Variants in ASAP2 observed in about 807,000 individuals in gnomAD.
ASAP2 encodes the protein ArfGAP with SH3 domain, ankyrin repeat and PH domain 2.
Under a neutral mutation model 131.4 loss-of-function variants are expected in ASAP2, and 45 were observed. That is an observed-to-expected ratio of 0.34 (90% CI 0.27 to 0.44). The LOEUF is 0.44. ASAP2 is among the 20% of genes least tolerant of loss of function. ASAP2 has a pLI of 1.00. For synonymous variants in ASAP2, 510 were observed against 503.0 expected, an observed-to-expected ratio of 1.01 and a Z score of -0.19; for missense variants, 1,011 against 1,297.0, an observed-to-expected ratio of 0.78 and a Z score of 3.39.
At chr2:9,260,592 C>CT (rs942448577) in intron 1 of ASAP2, among the ~76,000 whole-genome samples, 23 of 152,140 alleles carry the variant, frequency 1.5e-4, no homozygotes, top group Admixed American at 6.6e-4. Flanking sequence ...AAAACAATCT[C>CT]TGCTGCATAC....
chr2:9,258,880 G>A (rs1470698610), intron 1 of ASAP2, among the ~76,000 whole-genome samples: 4 of 152,150 alleles, frequency 2.6e-5, no homozygotes, highest in Non-Finnish European at 5.9e-5. Flanking sequence ...TTGCTTTTAG[G>A]ACTCAGCATT....
intron 1 of ASAP2, among the ~76,000 whole-genome samples, chr2:9,277,668 A>G (rs970503222): frequency 1.3e-5 from 2 of 152,196 alleles, no homozygotes; most frequent in African/African-American, 2.4e-5. Context: ...ATCCCGCACT[A>G]CAAGTGGTAT....
At chr2:9,271,353 T>G in intron 1 of ASAP2, 1 of 1,169,828 alleles carries the variant, frequency 8.5e-7, no homozygotes, top group South Asian at 1.2e-5. Flanking sequence ...TGGCATAATA[T>G]ATGTTCTTGC....
chr2:9,294,277 G>A (rs1250278934), intron 2 of ASAP2, among the ~76,000 whole-genome samples: 1 of 152,130 alleles, frequency 6.6e-6, no homozygotes, highest in Non-Finnish European at 1.5e-5. Context: ...GGGATTACAG[G>A]TGTGAGCCAC....
intron 24 of ASAP2, among the ~76,000 whole-genome samples, chr2:9,396,960 C>G (rs1188596660): frequency 1.3e-5 from 2 of 152,198 alleles, no homozygotes; most frequent in Admixed American, 1.3e-4. Context: ...CAAGATCACA[C>G]CACTGCACTC....
chr2:9,388,731 AT>A, intron 22 of ASAP2, among the ~76,000 whole-genome samples, 185 bp downstream of exon 22: 1 of 152,042 alleles, frequency 6.6e-6, no homozygotes, highest in Non-Finnish European at 1.5e-5. Flanking sequence ...GAGTCTCTTG[AT>A]TTGACTCTTA....
At chr2:9,261,695 G>A (rs553844952) in intron 1 of ASAP2, among the ~76,000 whole-genome samples, 7 of 152,368 alleles carry the variant, frequency 4.6e-5, no homozygotes, top group Middle Eastern at 3.4e-3. Flanking sequence ...CAGTGTGGCC[G>A]AGTGTAGGAG....
intron 16 of ASAP2, among the ~76,000 whole-genome samples, chr2:9,373,566 G>C (rs990167922): frequency 2.0e-5 from 3 of 152,194 alleles, no homozygotes; most frequent in Non-Finnish European, 4.4e-5. Context: ...CTCCCCTTCT[G>C]GGGGGCCAGT....
chr2:9,315,336 A>G (rs1417558243), intron 3 of ASAP2, among the ~76,000 whole-genome samples: 1 of 152,192 alleles, frequency 6.6e-6, no homozygotes, highest in Non-Finnish European at 1.5e-5. Context: ...CCTGAGAAGG[A>G]GCAGTGAGGC....
chr2:9,254,454 G>A (rs570951539), intron 1 of ASAP2, among the ~76,000 whole-genome samples: 150 of 141,218 alleles, frequency 1.1e-3, no homozygotes, highest in African/African-American at 3.7e-3. Context: ...CCGGGTTCAA[G>A]CAATTCTCCT....
intron 20 of ASAP2, among the ~76,000 whole-genome samples, chr2:9,382,413 G>A (rs1674933900): frequency 6.6e-6 from 1 of 152,184 alleles, no homozygotes; most frequent in Admixed American, 6.5e-5. Context: ...TCTGGTTATG[G>A]GGGAAATTAA....
Position 9,388,491 on chromosome 2 carries a change from T to C in ASAP2, c.2328T>C (p.Pro776=), listed in dbSNP as rs1309706804. The part of the protein sequence containing the change: ...LLSGSPPPAQ[P]AAPSTTSAPP... The stretch of plus-strand genomic sequence containing the variant: ...GTGGCAGCCCACCTCCCGCCCAGCC[T>C]GCAGCCCCCAGCACCACCAGCGCCC... Residue 776 remains proline (P), a synonymous_variant, in exon 22 of 28, where the codon CCT becomes CCC. Coordinates refer to ENST00000281419, the MANE Select transcript of ASAP2 (RefSeq NM_003887.3). The C allele has an allele frequency of 5.0e-6, 8 of 1,613,546 alleles. No individual in the cohort carries two copies. Among genetic ancestry groups the C allele is most frequent in the Non-Finnish European group, 5.9e-6 (7 of 1,179,824 alleles).
At chr2:9,215,823 C>T (rs543054389) in intron 1 of ASAP2, among the ~76,000 whole-genome samples, 49 of 152,252 alleles carry the variant, frequency 3.2e-4, no homozygotes, top group African/African-American at 6.7e-4. Flanking sequence ...AATTATGAGG[C>T]GCTAAAGGTG....
chr2:9,297,714 G>T (rs1262826114), intron 3 of ASAP2, among the ~76,000 whole-genome samples: 4 of 152,286 alleles, frequency 2.6e-5, no homozygotes, highest in Middle Eastern at 3.4e-3. Flanking sequence ...CTTCTTAAGG[G>T]CCTCTGACTT....
At chr2:9,254,239 AT>A (rs1402566520) in intron 1 of ASAP2, among the ~76,000 whole-genome samples, 119 of 42,714 alleles carry the variant, frequency 2.8e-3, no homozygotes, top group Non-Finnish European at 4.1e-3. Context: ...AAAAAAAAAT[AT>A]ATATATATAT....
intron 1 of ASAP2, among the ~76,000 whole-genome samples, chr2:9,263,143 G>A (rs1041816610): frequency 2.0e-5 from 3 of 152,184 alleles, no homozygotes; most frequent in South Asian, 2.1e-4. Flanking sequence ...CCACTGTCTC[G>A]GTGTCCCTGC....
Position 9,404,072 on chromosome 2 carries a change from T to C in ASAP2, c.*745T>C, listed in dbSNP as rs1267754458. ...TAAGGATGATGGATTGCAAAACAGTTCTTTTAAATTAGTTTATATGCTTTA... is the reference window on the plus strand; with the variant it reads ...TAAGGATGATGGATTGCAAAACAGTCCTTTTAAATTAGTTTATATGCTTTA... On this transcript the variant is annotated 3_prime_UTR_variant, in exon 28 of 28. Coordinates refer to ENST00000281419, the MANE Select transcript of ASAP2 (RefSeq NM_003887.3). 3 of 152,248 alleles carry C rather than the reference T, an allele frequency of 2.0e-5. No homozygotes were observed. The highest frequency in any genetic ancestry group is 4.4e-5 in the Non-Finnish European group (3 of 68,048). The allele number at this position is 152,248 out of a possible 1,614,324, so 9.4% of individuals were successfully genotyped here.
chr2:9,211,524 G>A (rs1351764894), intron 1 of ASAP2, among the ~76,000 whole-genome samples: 8 of 152,070 alleles, frequency 5.3e-5, no homozygotes, highest in East Asian at 1.9e-4. Context: ...TCTGCCTTAC[G>A]TATTTGGCAT....
intron 2 of ASAP2, among the ~76,000 whole-genome samples, chr2:9,289,758 G>A (rs940427991): frequency 6.6e-6 from 1 of 152,118 alleles, no homozygotes; most frequent in Non-Finnish European, 1.5e-5. Context: ...TAGACAACAG[G>A]TTTTGTATTT....
Sources: gnomAD v4.1 joint callset for allele counts (sites outside exome capture counted in the v4.1 genomes callset) on GRCh38, gnomAD v4.1.1 for gene constraint, MANE v1.5 for transcripts, NCBI Gene and HGNC (gene_info 2026-07-23, HGNC 2026-07-21) for gene names.